Variants in SGCD observed in about 807,000 individuals in gnomAD.
SGCD encodes the protein sarcoglycan delta.
In SGCD, 18 loss-of-function variants were observed where a neutral mutation model predicts 36.6. The observed-to-expected ratio is 0.49, with a 90% CI of 0.34 to 0.73. The LOEUF (loss-of-function observed/expected upper bound fraction) is 0.73, where lower values mean the gene tolerates loss of function less well. SGCD is among the 30% of genes least tolerant of loss of function. The pLI, the probability that SGCD is intolerant of heterozygous loss-of-function variation, is 0.01. For synonymous variants in SGCD, 133 were observed against 130.6 expected (o/e 1.02, Z -0.12); for missense variants, 387 against 346.7 (o/e 1.12, Z -0.92).
chr5:156,610,870 C>T lies in SGCD; in HGVS notation c.502+15819C>T, dbSNP rs370516744. Among the ~76,000 whole-genome samples the T allele has an allele frequency of 8.8e-4, 134 of 152,332 alleles. 2 individuals carry two copies. The highest frequency in any genetic ancestry group is 2.9e-3 in the African/African-American group (121 of 41,574). ...CGCAGGATATAATCTCCTGGTGTGCCGTTTGCTAAGACCGTTGGGAAAGCG... is the reference window on the plus strand; with the variant it reads ...CGCAGGATATAATCTCCTGGTGTGCTGTTTGCTAAGACCGTTGGGAAAGCG... On this transcript the variant is annotated intron_variant, in intron 6 of 8. Transcript: ENST00000337851.
chr5:156,748,544 A>G (rs766644205), intron 7 of SGCD, among the ~76,000 whole-genome samples: 1 of 152,234 alleles, frequency 6.6e-6, no homozygotes, highest in Non-Finnish European at 1.5e-5. Flanking sequence ...ATTACAAGAA[A>G]TAAAGAGAAT....
intron 3 of SGCD, among the ~76,000 whole-genome samples, chr5:156,154,812 G>T (rs930755481): frequency 6.6e-6 from 1 of 151,516 alleles, no homozygotes; most frequent in African/African-American, 2.4e-5. Context: ...TTTTCACCCA[G>T]TCATTTTTTT....
intron 3 of SGCD, among the ~76,000 whole-genome samples, chr5:156,301,220 A>G (rs1421919260): frequency 1.3e-5 from 2 of 151,656 alleles, no homozygotes; most frequent in African/African-American, 4.8e-5. Context: ...CTCTGGTGAT[A>G]TTTTTAAATG....
At chr5:155,831,426 A>C in the SGCD span, among the ~76,000 whole-genome samples, 1 of 152,228 alleles carries the variant, frequency 6.6e-6, no homozygotes, top group Non-Finnish European at 1.5e-5. Flanking sequence ...CTTGCTGATT[A>C]AATAGTGGGA....
rs1283960953 is a variant in SGCD at position 156,276,608 on chromosome 5, G to A, written c.-43-52926G>A. ...ATAGATTTACTATATTTTCTTAATG[G>A]TGACATAGTTTTAATTTATTCTTCA... On this transcript the variant is annotated intron_variant, in intron 3 of 9. Coordinates refer to the SGCD transcript ENST00000517913. Among the ~76,000 whole-genome samples, 6 of 152,102 alleles carry A rather than the reference G, an allele frequency of 3.9e-5. No homozygotes were observed. The East Asian group carries it at 1.2e-3, about 29-fold the overall frequency.
the SGCD span, among the ~76,000 whole-genome samples, chr5:155,845,802 C>T: frequency 1.3e-5 from 2 of 152,100 alleles, no homozygotes; most frequent in Non-Finnish European, 2.9e-5. Flanking sequence ...ATCTGTAAAC[C>T]TGTTTTTTAT....
intron 4 of SGCD, among the ~76,000 whole-genome samples, chr5:156,531,353 T>A (rs1401790371): frequency 6.6e-6 from 1 of 152,246 alleles, no homozygotes; most frequent in Non-Finnish European, 1.5e-5. Context: ...GGGGTTCTTT[T>A]GGTTGTTGTT....
intron 3 of SGCD, among the ~76,000 whole-genome samples, chr5:156,348,722 T>C (rs1769079391): frequency 6.6e-6 from 1 of 152,086 alleles, no homozygotes; most frequent in Non-Finnish European, 1.5e-5. Flanking sequence ...AAAATATCAA[T>C]GTCGTTTTTC....
At chr5:156,299,097 AT>A (rs1360667660) in intron 3 of SGCD, among the ~76,000 whole-genome samples, 12 of 152,188 alleles carry the variant, frequency 7.9e-5, no homozygotes, top group Non-Finnish European at 1.5e-4. Flanking sequence ...TCACTAATCC[AT>A]TTTGATCTTA....
At chr5:156,083,001 C>A (rs1354949294) in intron 1 of SGCD, among the ~76,000 whole-genome samples, 1 of 151,914 alleles carries the variant, frequency 6.6e-6, no homozygotes, top group Non-Finnish European at 1.5e-5. Context: ...TTTTAATTTG[C>A]ATTTTCCTAA....
the SGCD span, among the ~76,000 whole-genome samples, chr5:155,821,581 G>A: frequency 9.8e-5 from 15 of 152,286 alleles, no homozygotes; most frequent in East Asian, 2.7e-3. Context: ...CCAAAGTGCT[G>A]GGATTACAGG....
At chr5:156,684,228 G>A (rs768284174) in intron 7 of SGCD, among the ~76,000 whole-genome samples, 2 of 152,098 alleles carry the variant, frequency 1.3e-5, no homozygotes, top group African/African-American at 2.4e-5. Context: ...TTAGGAAACT[G>A]TAGAAAGGTG....
chr5:155,779,770 C>T, the SGCD span, among the ~76,000 whole-genome samples: 3 of 152,252 alleles, frequency 2.0e-5, no homozygotes, highest in South Asian at 2.1e-4. Flanking sequence ...TGACAGTCCC[C>T]TCAGTAATTC....
At chr5:156,730,131 G>T (rs1362928055) in intron 7 of SGCD, among the ~76,000 whole-genome samples, 1 of 152,068 alleles carries the variant, frequency 6.6e-6, no homozygotes, top group Admixed American at 6.6e-5. Context: ...TATATAATTA[G>T]AATTTTTATT....
At chr5:155,887,828 C>T (rs1024716738) in intron 1 of SGCD, among the ~76,000 whole-genome samples, 30 of 152,304 alleles carry the variant, frequency 2.0e-4, no homozygotes, top group Middle Eastern at 3.4e-3. Flanking sequence ...ATAATAACAA[C>T]GATAGTAAAA....
the SGCD span, among the ~76,000 whole-genome samples, chr5:155,799,162 C>G: frequency 6.6e-6 from 1 of 152,080 alleles, no homozygotes; most frequent in East Asian, 1.9e-4. Flanking sequence ...ACAAATGATT[C>G]ACATATCTGT....
chr5:155,839,819 G>A, the SGCD span, among the ~76,000 whole-genome samples: 4 of 152,156 alleles, frequency 2.6e-5, no homozygotes, highest in Non-Finnish European at 4.4e-5. Flanking sequence ...ATAAACAGCT[G>A]AAGTCAGTAT....
chr5:156,261,974 A>G (rs543219659), intron 3 of SGCD, among the ~76,000 whole-genome samples: 1 of 152,330 alleles, frequency 6.6e-6, no homozygotes, highest in South Asian at 2.1e-4. Context: ...GCTTCAAACT[A>G]AGTGTCATTA....
chr5:156,754,902 A>G (rs146863979), intron 7 of SGCD, among the ~76,000 whole-genome samples: 1 of 152,392 alleles, frequency 6.6e-6, no homozygotes, highest in East Asian at 1.9e-4. Context: ...TTCTAAGGAA[A>G]TTGTAGAACA....
Sources: gnomAD v4.1 joint callset for allele counts (sites outside exome capture counted in the v4.1 genomes callset) on GRCh38, gnomAD v4.1.1 for gene constraint, MANE v1.5 for transcripts, NCBI Gene and HGNC (gene_info 2026-07-23, HGNC 2026-07-21) for gene names.